Variants in LRRTM4 observed in about 807,000 individuals in gnomAD.
The protein encoded by LRRTM4 is leucine-rich repeat transmembrane neuronal protein 4.
LRRTM4 carries 25 observed loss-of-function variants against 47.6 expected under a neutral mutation model. That is an observed-to-expected ratio of 0.53 (90% CI 0.38 to 0.73). The LOEUF is 0.73. Ranked by LOEUF, LRRTM4 falls within the 30% of genes least tolerant of loss-of-function variation. The pLI, the probability that LRRTM4 is intolerant of heterozygous loss-of-function variation, is 0.00. For synonymous variants in LRRTM4, 311 were observed against 269.5 expected (o/e 1.15, Z -1.51); for missense variants, 638 against 713.4 (o/e 0.89, Z 1.20).
chr2:77,215,850 T>C (rs923336587), intron 3 of LRRTM4, among the ~76,000 whole-genome samples: 1 of 152,204 alleles, frequency 6.6e-6, no homozygotes, highest in Non-Finnish European at 1.5e-5. Context: ...GTCTCAGTCT[T>C]AATTAGTGAA....
chr2:77,262,626 A>G (rs572635511), intron 3 of LRRTM4, among the ~76,000 whole-genome samples: 69 of 150,748 alleles, frequency 4.6e-4, no homozygotes, highest in Non-Finnish European at 6.3e-4. Flanking sequence ...TACAATTTTG[A>G]GGGGTACTGA....
chr2:77,335,019 T>C (rs1322685800), intron 3 of LRRTM4, among the ~76,000 whole-genome samples: 1 of 152,192 alleles, frequency 6.6e-6, no homozygotes, highest in East Asian at 1.9e-4. Context: ...CATAGTTCCT[T>C]CTTTAGCTTT....
chr2:77,246,418 G>C (rs572544993), intron 3 of LRRTM4, among the ~76,000 whole-genome samples: 1 of 152,204 alleles, frequency 6.6e-6, no homozygotes, highest in African/African-American at 2.4e-5. Flanking sequence ...TAAATGAACA[G>C]TATTGTGCAT....
intron 3 of LRRTM4, among the ~76,000 whole-genome samples, chr2:77,459,987 A>C (rs1222844878): frequency 6.6e-6 from 1 of 150,906 alleles, no homozygotes; most frequent in Non-Finnish European, 1.5e-5. Flanking sequence ...CTATTCTAAG[A>C]TCATGATAAA....
chr2:76,827,167 GAAGTT>G (rs1004603676), intron 3 of LRRTM4, among the ~76,000 whole-genome samples: 49 of 151,912 alleles, frequency 3.2e-4, no homozygotes, highest in African/African-American at 1.1e-3. Flanking sequence ...TGGCCACACT[GAAGTT>G]AAGTATTTCC....
At position 77,352,177 on chromosome 2, in the gene LRRTM4, C is replaced by T. The variant is rs141693847; in HGVS notation, c.1551+166141G>A. ...AGAAGCTGTTCTCGCCTTTTGATGC[C>T]GAGCCTAACCTTCCATTTTATTGAA... On this transcript the variant is annotated intron_variant, in intron 3 of 3. Transcript: ENST00000409884. Among the ~76,000 whole-genome samples, 288 of 152,036 alleles carry T rather than the reference C, an allele frequency of 1.9e-3. 2 individuals are homozygous for T. The highest frequency in any genetic ancestry group is 6.2e-3 in the African/African-American group (259 of 41,502).
chr2:77,239,995 T>C (rs1409256387), intron 3 of LRRTM4, among the ~76,000 whole-genome samples: 4 of 151,846 alleles, frequency 2.6e-5, no homozygotes, highest in Non-Finnish European at 5.9e-5. Flanking sequence ...TTCAAGTGCA[T>C]GCACATGTAA....
At chr2:77,470,226 T>C (rs955422843) in intron 3 of LRRTM4, among the ~76,000 whole-genome samples, 1 of 152,164 alleles carries the variant, frequency 6.6e-6, no homozygotes, top group African/African-American at 2.4e-5. Context: ...GGTAGAATAT[T>C]TCATTCCAAA....
intron 3 of LRRTM4, among the ~76,000 whole-genome samples, chr2:77,241,005 C>T (rs1004823930): frequency 6.6e-6 from 1 of 151,858 alleles, no homozygotes; most frequent in African/African-American, 2.4e-5. Context: ...AGAATACATA[C>T]ATTTTTAACC....
intron 3 of LRRTM4, among the ~76,000 whole-genome samples, chr2:77,158,141 G>A (rs912215047): frequency 6.6e-6 from 1 of 151,912 alleles, no homozygotes; most frequent in African/African-American, 2.4e-5. Flanking sequence ...TATGGAGAGA[G>A]GCTTCTGGCC....
chr2:76,928,725 G>T (rs1332625561), intron 3 of LRRTM4, among the ~76,000 whole-genome samples: 1 of 152,006 alleles, frequency 6.6e-6, no homozygotes, highest in East Asian at 1.9e-4. Flanking sequence ...CTGACAGAAT[G>T]ACTTTTAATC....
intron 3 of LRRTM4, among the ~76,000 whole-genome samples, chr2:77,065,782 G>A (rs1679931261): frequency 6.6e-6 from 1 of 152,134 alleles, no homozygotes; most frequent in Non-Finnish European, 1.5e-5. Context: ...ACAGAATGGA[G>A]TTAATTTCCA....
At chr2:77,402,363 G>C (rs1673995913) in intron 3 of LRRTM4, among the ~76,000 whole-genome samples, 1 of 151,844 alleles carries the variant, frequency 6.6e-6, no homozygotes, top group African/African-American at 2.4e-5. Context: ...TGCCCAGGTT[G>C]GTCTCAAACT....
intron 3 of LRRTM4, among the ~76,000 whole-genome samples, chr2:77,102,975 C>A (rs774365144): frequency 3.3e-5 from 5 of 152,146 alleles, no homozygotes; most frequent in African/African-American, 4.8e-5. Flanking sequence ...CATATATACT[C>A]TTTGGGACTT....
chr2:77,299,563 G>A (rs1677070970), intron 3 of LRRTM4, among the ~76,000 whole-genome samples: 1 of 151,828 alleles, frequency 6.6e-6, no homozygotes, highest in Non-Finnish European at 1.5e-5. Flanking sequence ...TCTAAGAACT[G>A]GGAAATTGTT....
At chr2:77,245,295 C>T (rs1019679244) in intron 3 of LRRTM4, among the ~76,000 whole-genome samples, 1 of 151,936 alleles carries the variant, frequency 6.6e-6, no homozygotes, top group Non-Finnish European at 1.5e-5. Flanking sequence ...GCCTGTAATC[C>T]TAGCACTTTG....
At chr2:76,949,484 T>G (rs1422961579) in intron 3 of LRRTM4, among the ~76,000 whole-genome samples, 1 of 151,876 alleles carries the variant, frequency 6.6e-6, no homozygotes, top group African/African-American at 2.4e-5. Context: ...TCTGCTTGAA[T>G]AGTTCACAGA....
intron 3 of LRRTM4, among the ~76,000 whole-genome samples, chr2:76,858,720 T>C (rs1488532138): frequency 6.6e-6 from 1 of 152,200 alleles, no homozygotes; most frequent in African/African-American, 2.4e-5. Context: ...TTTTGAATTA[T>C]AGGAAGATTG....
intron 3 of LRRTM4, among the ~76,000 whole-genome samples, chr2:77,300,649 C>T (rs1022125936): frequency 1.3e-5 from 2 of 152,144 alleles, no homozygotes; most frequent in Non-Finnish European, 2.9e-5. Context: ...ATATAACATG[C>T]AAGCATATCT....
Sources: allele counts gnomAD v4.1 joint callset (sites outside exome capture counted in the v4.1 genomes callset), GRCh38; gene constraint gnomAD v4.1.1; transcripts MANE v1.5; gene names NCBI Gene and HGNC (gene_info 2026-07-23, HGNC 2026-07-21).